Variants in NT5DC1 observed in about 807,000 individuals in gnomAD.
NT5DC1 encodes the protein 5'-nucleotidase domain containing 1, also known as 5'-nucleotidase domain-containing protein 1.
A neutral mutation model predicts 59.4 loss-of-function variants in NT5DC1; 42 were observed. That is an observed-to-expected ratio of 0.71 (90% confidence interval 0.55 to 0.92). The LOEUF (loss-of-function observed/expected upper bound fraction) is 0.92. NT5DC1 is among the 40% of genes least tolerant of loss of function. The probability of loss-of-function intolerance (pLI) is 0.00; values close to 1 mark genes in which losing one functional copy is unlikely to be tolerated. For missense variants in NT5DC1, 501 were observed against 537.1 expected (o/e 0.93, Z 0.66); for synonymous variants, 172 against 188.1 (o/e 0.91, Z 0.70).
At chr6:116,111,869 A>G (rs183713908) in intron 4 of NT5DC1, among the ~76,000 whole-genome samples, 4 of 152,348 alleles carry the variant, frequency 2.6e-5, no homozygotes, top group South Asian at 2.1e-4. Flanking sequence ...TTGTATACCT[A>G]TCAAGTCAGA....
chr6:116,161,418 A>G (rs1437223933), intron 6 of NT5DC1, among the ~76,000 whole-genome samples: 1 of 152,078 alleles, frequency 6.6e-6, no homozygotes, highest in Non-Finnish European at 1.5e-5. Flanking sequence ...GCAGATAAAA[A>G]AAAAGAAATA....
intron 6 of NT5DC1, among the ~76,000 whole-genome samples, chr6:116,211,481 G>A (rs1781576399): frequency 6.6e-6 from 1 of 151,954 alleles, no homozygotes; most frequent in African/African-American, 2.4e-5. Context: ...TTTCCATATA[G>A]GTTCAACAGT....
At chr6:116,105,942 G>A (rs1778758294) in intron 1 of NT5DC1, among the ~76,000 whole-genome samples, 1 of 152,138 alleles carries the variant, frequency 6.6e-6, no homozygotes, top group African/African-American at 2.4e-5. Context: ...AGTTTAAAAA[G>A]CTTTGTCAAG....
At chr6:116,145,270 A>G (rs1779869324) in intron 6 of NT5DC1, among the ~76,000 whole-genome samples, 1 of 152,158 alleles carries the variant, frequency 6.6e-6, no homozygotes, top group African/African-American at 2.4e-5. Flanking sequence ...GTGATATGAT[A>G]AAAAGAATGG....
intron 8 of NT5DC1, among the ~76,000 whole-genome samples, chr6:116,225,805 C>A (rs1323545504): frequency 4.6e-5 from 7 of 152,106 alleles, no homozygotes; most frequent in Admixed American, 6.5e-5. Context: ...TTTTTAAGAT[C>A]GAAGATACTG....
rs1180634472 is a variant in NT5DC1, at chr6:116,115,149, C to CTCTA, written c.365-541_365-538dup. On this transcript the variant is annotated intron_variant, in intron 4 of 11. Coordinates refer to ENST00000319550, the MANE Select transcript of NT5DC1 (RefSeq NM_152729.3). ...AATCTTGGAATATACCTGTCCTATA[C>CTCTA]TCTACAGTTTTTAAGCACACTGTGT... Among the ~76,000 whole-genome samples the CTCTA allele has an allele frequency of 2.0e-5, 3 of 152,216 alleles. No individual in the cohort carries two copies. The East Asian group carries it at 5.8e-4, about 29-fold the overall frequency.
intron 6 of NT5DC1, among the ~76,000 whole-genome samples, chr6:116,153,491 T>G (rs1780104797): frequency 6.6e-6 from 1 of 152,164 alleles, no homozygotes; most frequent in African/African-American, 2.4e-5. Context: ...ATGCCATTTA[T>G]TCATTTAATT....
At chr6:116,202,438 G>A (rs184558710) in intron 6 of NT5DC1, among the ~76,000 whole-genome samples, 112 of 152,010 alleles carry the variant, frequency 7.4e-4, no homozygotes, top group Non-Finnish European at 1.5e-3. Flanking sequence ...TAGGGGAAAC[G>A]AGGAAACAAT....
At chr6:116,169,675 A>G (rs7760208) in intron 6 of NT5DC1, among the ~76,000 whole-genome samples, 6,193 of 152,290 alleles carry the variant, frequency 0.041, 194 homozygotes, top group African/African-American at 0.084. Flanking sequence ...CAAATGGATA[A>G]AACATGAGGA....
intron 6 of NT5DC1, among the ~76,000 whole-genome samples, chr6:116,124,025 C>A (rs563338595): frequency 2.6e-5 from 4 of 151,920 alleles, no homozygotes; most frequent in Non-Finnish European, 4.4e-5. Flanking sequence ...CGGAAGGTTG[C>A]TTTGTCTTTT....
In NT5DC1 at chr6:116,244,153, G is replaced by A. The variant is rs1404752892; in HGVS notation, c.*129G>A. 1 of 469,466 alleles carries A rather than the reference G, an allele frequency of 2.1e-6. No individual in the cohort carries two copies. Among genetic ancestry groups the A allele is most frequent in the East Asian group, 3.4e-5 (1 of 29,368 alleles). The allele number at this position is 469,466 out of a possible 1,614,324, so 29.1% of individuals were successfully genotyped here. ...CCAATAAGTTGATATTTGTCCATAGGTCTCCTTTCTATAAATCATCTTGAT... is the reference window on the plus strand; with the variant it reads ...CCAATAAGTTGATATTTGTCCATAGATCTCCTTTCTATAAATCATCTTGAT... On this transcript the variant is annotated 3_prime_UTR_variant, in exon 12 of 12. Coordinates refer to ENST00000319550, the MANE Select transcript of NT5DC1 (RefSeq NM_152729.3).
intron 6 of NT5DC1, among the ~76,000 whole-genome samples, chr6:116,219,681 G>T (rs553873381): frequency 1.3e-4 from 20 of 152,120 alleles, no homozygotes; most frequent in African/African-American, 2.9e-4. Flanking sequence ...TCCTGGCCAG[G>T]CATGGTGGCT....
intron 9 of NT5DC1, chr6:116,237,513 G>T: frequency 2.2e-6 from 1 of 457,384 alleles, no homozygotes; most frequent in South Asian, 1.5e-5. Context: ...ACAGAGCCCT[G>T]CTCCATTGGC....
intron 10 of NT5DC1, 147 bp downstream of exon 10, chr6:116,238,495 A>T (rs1302173095): frequency 4.6e-6 from 2 of 430,256 alleles, no homozygotes; most frequent in Non-Finnish European, 7.8e-6. Context: ...GAGACTAATA[A>T]TTTGAAACTT....
intron 6 of NT5DC1, among the ~76,000 whole-genome samples, chr6:116,170,941 A>G (rs1357784919): frequency 6.6e-6 from 1 of 152,018 alleles, no homozygotes; most frequent in African/African-American, 2.4e-5. Context: ...AGCCTGTCAA[A>G]CCTCATTCTG....
At chr6:116,198,107 T>C (rs1781273401) in intron 6 of NT5DC1, among the ~76,000 whole-genome samples, 1 of 152,092 alleles carries the variant, frequency 6.6e-6, no homozygotes, top group African/African-American at 2.4e-5. Context: ...GGGTTATTTC[T>C]CCTGTCAAAG....
intron 11 of NT5DC1, among the ~76,000 whole-genome samples, chr6:116,242,372 T>G (rs942793001): frequency 2.0e-5 from 3 of 151,594 alleles, no homozygotes; most frequent in African/African-American, 2.4e-5. Flanking sequence ...AAAATAACAA[T>G]ACCCAATTAT....
chr6:116,208,892 C>T (rs901487622), intron 6 of NT5DC1, among the ~76,000 whole-genome samples: 1 of 151,926 alleles, frequency 6.6e-6, no homozygotes, highest in Non-Finnish European at 1.5e-5. Flanking sequence ...TAATAGAGAA[C>T]CCAGGCCAGA....
intron 6 of NT5DC1, among the ~76,000 whole-genome samples, chr6:116,160,488 T>C (rs1780300811): frequency 2.0e-5 from 3 of 152,218 alleles, no homozygotes; most frequent in Non-Finnish European, 4.4e-5. Context: ...TCTTTTTGAT[T>C]TGTTTAACTT....
Sources: allele counts gnomAD v4.1 joint callset (sites outside exome capture counted in the v4.1 genomes callset), GRCh38; gene constraint gnomAD v4.1.1; transcripts MANE v1.5; gene names NCBI Gene and HGNC (gene_info 2026-07-23, HGNC 2026-07-21).